Variants in ADGRG1 observed in about 807,000 individuals in gnomAD.
ADGRG1 encodes 7-transmembrane protein with no EGF-like N-terminal domains-1.
In ADGRG1, 53 loss-of-function variants were observed where a neutral mutation model predicts 73.5. The observed-to-expected ratio is 0.72, with a 90% CI of 0.58 to 0.91. ADGRG1 has a LOEUF of 0.91. Among genes scored for constraint, ADGRG1 ranks in the 40% least tolerant of loss-of-function variants. The pLI is 0.00. For synonymous variants in ADGRG1, 394 were observed against 374.4 expected (o/e 1.05, Z -0.60); for missense variants, 795 against 871.8 (o/e 0.91, Z 1.11).
rs1258688824 is a variant in ADGRG1 at position 57,628,899 on chromosome 16, T to TGA, written c.-36+99_-36+100dup. ...GTGAGTGTGTGAGAGTGTGAGTGTG[T>TGA]GAGTGTGAGTGTGTGAGAGTGAGTG... On this transcript the variant is annotated intron_variant, in intron 1 of 13. Transcript: ENST00000562631. 32 of 896,960 alleles carry TGA rather than the reference T, an allele frequency of 3.6e-5. 1 individual carries two copies. Among genetic ancestry groups the TGA allele is most frequent in the African/African-American group, 4.5e-5 (2 of 44,108 alleles). The allele number at this position is 896,960 out of a possible 1,614,324, so 55.6% of individuals were successfully genotyped here.
intron 1 of ADGRG1, chr16:57,637,284 A>C (rs1378730708): frequency 1.0e-6 from 1 of 983,914 alleles, no homozygotes; most frequent in East Asian, 1.1e-4. Flanking sequence ...GAAGTAAGAC[A>C]GTGCTTTGGC....
chr16:57,623,048 G>C, upstream of ADGRG1: 1 of 985,372 alleles, frequency 1.0e-6, no homozygotes, highest in Non-Finnish European at 1.2e-6. Context: ...GGCAAAGCAG[G>C]ACTTAAATAA....
intron 9 of ADGRG1, 48 bp from the exon 10 acceptor site, chr16:57,657,325 T>C: frequency 1.2e-6 from 2 of 1,613,014 alleles, no homozygotes; most frequent in Non-Finnish European, 1.7e-6. Flanking sequence ...AGCCTCCAGG[T>C]TGTGTGGGGG....
At chr16:57,639,045 G>A (rs767094770) in intron 1 of ADGRG1, among the ~76,000 whole-genome samples, 5 of 151,964 alleles carry the variant, frequency 3.3e-5, no homozygotes, top group Non-Finnish European at 7.4e-5. Context: ...ACTCCAGCCT[G>A]GGCGAAAGAG....
rs752439023 is a variant in ADGRG1 at position 57,654,073 on chromosome 16, G to A, written c.708G>A (p.Thr236=). ...VSFEEDRINA[T]VWKLQPTAGL... Reference sequence around the variant, plus strand: ...TCGAGGAGGACCGGATCAACGCCACGGTGTGGAAGCTCCAGCCCACAGCCG... The same window carrying A: ...TCGAGGAGGACCGGATCAACGCCACAGTGTGGAAGCTCCAGCCCACAGCCG... The change falls in exon 5 of 14, where the codon ACG becomes ACA. Residue 236 remains threonine (T), a synonymous_variant. Transcript: ENST00000562631. 25 of 1,613,832 alleles carry A rather than the reference G, an allele frequency of 1.5e-5. No individual in the cohort carries two copies. The highest frequency in any genetic ancestry group is 2.2e-5 in the South Asian group (2 of 91,084).
intron 1 of ADGRG1, chr16:57,632,733 T>G (rs1375011406): frequency 9.1e-5 from 88 of 965,070 alleles, no homozygotes; most frequent in Non-Finnish European, 1.0e-4. Flanking sequence ...TGTGGTATGC[T>G]TGGCAGTTCC....
intron 1 of ADGRG1, chr16:57,647,481 C>T: frequency 5.2e-6 from 5 of 969,474 alleles, no homozygotes; most frequent in Non-Finnish European, 6.1e-6. Context: ...GCACCTGCCT[C>T]TAAGCCGTTT....
At chr16:57,660,013 G>A (rs1204470950) in intron 11 of ADGRG1, among the ~76,000 whole-genome samples, 2 of 152,184 alleles carry the variant, frequency 1.3e-5, no homozygotes, top group African/African-American at 4.8e-5. Flanking sequence ...ATCCAGTCCC[G>A]CTCCAGTCAT....
chr16:57,657,261 T>C (rs746795171), intron 9 of ADGRG1, 112 bp from the exon 10 acceptor site: 1 of 1,522,288 alleles, frequency 6.6e-7, no homozygotes, highest in Non-Finnish European at 9.0e-7. Flanking sequence ...GAGAGGGGGT[T>C]CTTAGGCTTC....
intron 7 of ADGRG1, 88 bp from the exon 8 acceptor site, chr16:57,656,138 C>A: frequency 6.2e-7 from 1 of 1,613,606 alleles, no homozygotes; most frequent in Non-Finnish European, 8.5e-7. Context: ...GGTGGCTTGA[C>A]TGTGTTCTAG....
rs759958537 is a variant in ADGRG1, at chr16:57,659,430, ACAC to A, written c.1307_1309del (p.Thr436del). 1 of 1,613,768 alleles carries A rather than the reference ACAC, an allele frequency of 6.2e-7. No homozygotes were observed. The highest frequency in any genetic ancestry group is 8.5e-7 in the Non-Finnish European group (1 of 1,179,948). On this transcript the variant is annotated inframe_deletion, in exon 11 of 14. Transcript: ENST00000562631. Reference sequence around the variant, plus strand: ...CCGTGCAGGAGGAAACCTCGGGACTACACCATCAAGGTGCACATGAACCTGCTG... The same window carrying A: ...CCGTGCAGGAGGAAACCTCGGGACTACATCAAGGTGCACATGAACCTGCTG...
chr16:57,620,980 C>A (rs1030829426), exon 1 of ADGRG1: 7 of 152,202 alleles, frequency 4.6e-5, no homozygotes, highest in Non-Finnish European at 1.0e-4. Context: ...GGTCTGTAAA[C>A]CCATAAGCTG....
At chr16:57,634,223 G>C (rs2038778280) in intron 1 of ADGRG1, 2 of 985,438 alleles carry the variant, frequency 2.0e-6, no homozygotes, top group Non-Finnish European at 2.4e-6. Flanking sequence ...GCCTCAGGGT[G>C]TGGCTCTGTG....
chr16:57,651,076 A>G (rs977794219), intron 2 of ADGRG1, 124 bp from the exon 3 acceptor site: 3 of 1,589,216 alleles, frequency 1.9e-6, no homozygotes, highest in Non-Finnish European at 2.6e-6. Context: ...ATTTTTGTAG[A>G]CCCTTGGAAT....
intron 1 of ADGRG1, chr16:57,647,659 G>A: frequency 2.3e-6 from 1 of 437,788 alleles, no homozygotes; most frequent in Non-Finnish European, 3.0e-6. Context: ...TGGCTCTAGA[G>A]TCTACCCCAT....
chr16:57,633,631 C>A, intron 1 of ADGRG1: 1 of 393,426 alleles, frequency 2.5e-6, no homozygotes, highest in South Asian at 1.1e-4. Context: ...CTCTGTGCCT[C>A]GTCTTCCTAA....
upstream of ADGRG1, chr16:57,628,079 C>A (rs2036214853): frequency 1.0e-6 from 1 of 985,290 alleles, no homozygotes. Context: ...CGGGGGGACG[C>A]AGGTCAGCCG....
At chr16:57,632,819 T>C in intron 1 of ADGRG1, 1 of 985,430 alleles carries the variant, frequency 1.0e-6, no homozygotes, top group Non-Finnish European at 1.2e-6. Flanking sequence ...TCTGCATTAG[T>C]GGGAGATGGC....
At chr16:57,658,661 C>G (rs2148508503) in intron 10 of ADGRG1, among the ~76,000 whole-genome samples, 1 of 152,328 alleles carries the variant, frequency 6.6e-6, no homozygotes, top group East Asian at 1.9e-4. Context: ...CAGAAGTCCT[C>G]AACACCCAGT....
Sources: allele counts gnomAD v4.1 joint callset (sites outside exome capture counted in the v4.1 genomes callset), GRCh38; gene constraint gnomAD v4.1.1; transcripts MANE v1.5; gene names NCBI Gene and HGNC (gene_info 2026-07-23, HGNC 2026-07-21).